The following PCDHGC4 variants were observed in gnomAD, a reference collection of about 807,000 sequenced individuals.
The protein encoded by PCDHGC4 is protocadherin gamma subfamily C, 4.
Under a neutral mutation model 59.7 loss-of-function variants are expected in PCDHGC4, and 15 were observed. The observed-to-expected ratio is 0.25, with a 90% confidence interval of 0.17 to 0.39. PCDHGC4 has a LOEUF of 0.39. Ranked by LOEUF, PCDHGC4 falls within the 10% of genes least tolerant of loss-of-function variation. The pLI is 1.00. For missense variants in PCDHGC4, 1,016 were observed against 1,189.5 expected (o/e 0.85, Z 2.15); for synonymous variants, 434 against 481.4 (o/e 0.90, Z 1.29).
At position 141,490,219 on chromosome 5, in the gene PCDHGC4, C is replaced by T. The variant is rs771985398; in HGVS notation, c.2442+2604C>T. 2.5e-5 allele frequency: 41 copies of T among 1,614,094 alleles called. No individual in the cohort carries two copies. The highest frequency in any genetic ancestry group is 3.3e-5 in the Non-Finnish European group (39 of 1,180,038). On this transcript the variant is annotated intron_variant, in intron 1 of 3. Coordinates refer to ENST00000306593, the MANE Select transcript of PCDHGC4 (RefSeq NM_018928.3). This position sits in a 1 kb window ranked among gnomAD's most constrained non-coding sequence, Gnocchi z 5.4. ...TCATGCAAGAGCCCGTGACCAGGGA[C>T]AGCCTGCCATGGAGGGCCACTGTGT... is the stretch of plus-strand genomic sequence containing the variant.
intron 2 of PCDHGC4, among the ~76,000 whole-genome samples, chr5:141,500,008 C>T (rs1027220192): frequency 6.6e-6 from 1 of 151,770 alleles, no homozygotes; most frequent in African/African-American, 2.4e-5. Flanking sequence ...TTCATAAGGT[C>T]CACATTTTAT....
At chr5:141,502,288 G>C (rs2099813700) in intron 2 of PCDHGC4, among the ~76,000 whole-genome samples, 1 of 151,338 alleles carries the variant, frequency 6.6e-6, no homozygotes, top group African/African-American at 2.5e-5. Flanking sequence ...ATTGCATTTG[G>C]TTGTCACGTC....
At chr5:141,497,223 T>C (rs921763195) in intron 2 of PCDHGC4, among the ~76,000 whole-genome samples, 1 of 151,762 alleles carries the variant, frequency 6.6e-6, no homozygotes, top group Admixed American at 6.6e-5. Context: ...GGGGGGAAGA[T>C]CAGAGAAGGC....
rs183549806 is a variant in PCDHGC4 at position 141,487,760 on chromosome 5, G to A, written c.2442+145G>A. ...TGTAAGAGGTAACTATGTGGTAGAC[G>A]CTGTGCTTTGTAACTGTTTCGTGAA... On this transcript the variant is annotated intron_variant, in intron 1 of 3. Transcript: ENST00000306593. The surrounding 1 kb of genome is among the most constrained non-coding windows in gnomAD (Gnocchi z 5.0). 42 of 1,545,950 alleles carry A rather than the reference G, an allele frequency of 2.7e-5. No homozygotes were observed. The African/African-American group carries it at 3.8e-4, about 14-fold the overall frequency.
In PCDHGC4 at chr5:141,491,365, T is replaced by A. The variant is rs201011046; in HGVS notation, c.2443-3442T>A. ...CGTCAGTCTCTTATCCCTAGTCACC[T>A]TCACCTTTCTGTCAGCGAAGTGCCT... On this transcript the variant is annotated intron_variant, in intron 1 of 3. Transcript: ENST00000306593. This position sits in a 1 kb window ranked among gnomAD's most constrained non-coding sequence, Gnocchi z 6.9. 1.7e-5 allele frequency: 27 copies of A among 1,614,016 alleles called. No individual in the cohort carries two copies. The highest frequency in any genetic ancestry group is 2.0e-5 in the Non-Finnish European group (24 of 1,179,982).
In PCDHGC4 at chr5:141,489,872, T is replaced by A. The variant is rs2099693206; in HGVS notation, c.2442+2257T>A. 1 of 1,614,090 alleles carries A rather than the reference T, an allele frequency of 6.2e-7. No homozygotes were observed. The highest frequency in any genetic ancestry group is 8.5e-7 in the Non-Finnish European group (1 of 1,180,016). On this transcript the variant is annotated intron_variant, in intron 1 of 3. Coordinates refer to ENST00000306593, the MANE Select transcript of PCDHGC4 (RefSeq NM_018928.3). The surrounding 1 kb of genome is among the most constrained non-coding windows in gnomAD (Gnocchi z 4.5). ...GAAGCCCAGGCAAGACATCAGCTGG[T>A]GCTTACTGCTGTGGATGGGGGGACC...
intron 3 of PCDHGC4, among the ~76,000 whole-genome samples, chr5:141,506,320 G>A (rs1054880362): frequency 8.6e-5 from 13 of 151,966 alleles, no homozygotes; most frequent in South Asian, 8.3e-4. Flanking sequence ...ATGGTGGTGC[G>A]TGCCTGTAGT....
Position 141,490,798 on chromosome 5 carries a change from C to A in PCDHGC4, c.2442+3183C>A. 2 of 1,613,926 alleles carry A rather than the reference C, an allele frequency of 1.2e-6. No individual in the cohort carries two copies. Among genetic ancestry groups the A allele is most frequent in the South Asian group, 2.2e-5 (2 of 91,074 alleles). ...AGAGGATGGACGGATCTTTGCCCAG[C>A]GTACCTTTGACTATGAATTGCTGCA... On this transcript the variant is annotated intron_variant, in intron 1 of 3. Transcript: ENST00000306593. This position sits in a 1 kb window ranked among gnomAD's most constrained non-coding sequence, Gnocchi z 5.4.
rs554661873 is a variant in PCDHGC4, at chr5:141,487,723, T to C, written c.2442+108T>C. ...GCCTCTCAGTAAGTGCCCATAGTGATGTCACCATTTTTGTAAGAGGTAACT... is the reference window on the plus strand; with the variant it reads ...GCCTCTCAGTAAGTGCCCATAGTGACGTCACCATTTTTGTAAGAGGTAACT... On this transcript the variant is annotated intron_variant, in intron 1 of 3. Transcript: ENST00000306593. The surrounding 1 kb of genome is among the most constrained non-coding windows in gnomAD (Gnocchi z 5.0). The C allele has an allele frequency of 2.6e-5, 41 of 1,574,932 alleles. No homozygotes were observed. Among genetic ancestry groups the C allele is most frequent in the Non-Finnish European group, 5.2e-6 (6 of 1,158,382 alleles).
Position 141,487,568 on chromosome 5 carries a change from C to G in PCDHGC4, c.2395C>G (p.Pro799Ala), listed in dbSNP as rs752378906. The G allele has an allele frequency of 1.9e-6, 3 of 1,614,180 alleles. No homozygotes were observed. Among genetic ancestry groups the G allele is most frequent in the Non-Finnish European group, 2.5e-6 (3 of 1,180,042 alleles). Reference protein sequence around the residue: ...KSPSAPMAGEPVRPSCPPSDL... With the variant: ...KSPSAPMAGEAVRPSCPPSDL... ...ACCCAGTGCACCTATGGCAGGGGAG[C>G]CTGTTCGCCCAAGCTGCCCACCCTC... Residue 799 changes from proline to alanine, a missense_variant, in exon 1 of 4, where the codon CCT becomes GCT. Pro to Ala is a conservative substitution (Grantham distance 27, BLOSUM62 -1). Transcript: ENST00000306593. This position sits in a 1 kb window ranked among gnomAD's most constrained non-coding sequence, Gnocchi z 5.0.
At position 141,485,709 on chromosome 5, in the gene PCDHGC4, C is replaced by A. The variant is rs2099618118; in HGVS notation, c.536C>A (p.Ala179Glu). Residue 179 changes from alanine (A) to glutamate (E), a missense_variant, in exon 1 of 4, where the codon GCA becomes GAA. Ala to Glu is a moderately radical substitution (Grantham distance 107). Transcript: ENST00000306593. This position sits in a 1 kb window ranked among gnomAD's most constrained non-coding sequence, Gnocchi z 5.7. ...AGGCTGAGCTCCAATGAACACTTTGCACTGGATGTGAAGAAGCGCAGCGAC... is the reference window on the plus strand; with the variant it reads ...AGGCTGAGCTCCAATGAACACTTTGAACTGGATGTGAAGAAGCGCAGCGAC... ...SYRLSSNEHF[A>E]LDVKKRSDGS... The A allele has an allele frequency of 1.2e-6, 2 of 1,614,128 alleles. No homozygotes were observed. The highest frequency in any genetic ancestry group is 1.7e-6 in the Non-Finnish European group (2 of 1,180,028).
Position 141,490,089 on chromosome 5 carries a change from C to G in PCDHGC4, c.2442+2474C>G. On this transcript the variant is annotated intron_variant, in intron 1 of 3. Transcript: ENST00000306593. This position sits in a 1 kb window ranked among gnomAD's most constrained non-coding sequence, Gnocchi z 5.4. ...GCCAACTAGACTATTCTTTTGGAGACCACACATCTGAGGCAGTGCGGAACC... is the reference window on the plus strand; with the variant it reads ...GCCAACTAGACTATTCTTTTGGAGAGCACACATCTGAGGCAGTGCGGAACC... 1 of 1,614,232 alleles carries G rather than the reference C, an allele frequency of 6.2e-7. No homozygotes were observed. The highest frequency in any genetic ancestry group is 8.5e-7 in the Non-Finnish European group (1 of 1,180,026).
Position 141,485,098 on chromosome 5 carries a change from A to G in PCDHGC4, c.-76A>G, listed in dbSNP as rs2099606903. ...CGGGGAAAGGGAGATAGGTGTCTCCAGCTGCTGTGGCTGTTTGGGGCGGGT... is the reference window on the plus strand; with the variant it reads ...CGGGGAAAGGGAGATAGGTGTCTCCGGCTGCTGTGGCTGTTTGGGGCGGGT... On this transcript the variant is annotated 5_prime_UTR_variant, in exon 1 of 4. Transcript: ENST00000306593. This position sits in a 1 kb window ranked among gnomAD's most constrained non-coding sequence, Gnocchi z 5.7. 8.8e-7 allele frequency: 1 copy of G among 1,134,792 alleles called. No individual in the cohort carries two copies. Among genetic ancestry groups the G allele is most frequent in the South Asian group, 1.4e-5 (1 of 71,796 alleles). The allele number at this position is 1,134,792 out of a possible 1,614,324, so 70.3% of individuals were successfully genotyped here. A position where few individuals can be genotyped will look rare whatever the true frequency, so the allele number is the denominator to read the frequency against.
chr5:141,496,126 C>T (rs934132550), intron 2 of PCDHGC4, among the ~76,000 whole-genome samples: 2 of 152,062 alleles, frequency 1.3e-5, no homozygotes, highest in African/African-American at 4.8e-5. Context: ...CCCTGCCCCT[C>T]ACACACTGAG....
chr5:141,491,966 G>A lies in PCDHGC4; in HGVS notation c.2443-2841G>A. 1.1e-6 allele frequency: 1 copy of A among 943,066 alleles called. No individual in the cohort carries two copies. Among genetic ancestry groups the A allele is most frequent in the Non-Finnish European group, 1.5e-6 (1 of 669,210 alleles). The allele number at this position is 943,066 out of a possible 1,614,324, so 58.4% of individuals were successfully genotyped here. On this transcript the variant is annotated intron_variant, in intron 1 of 3. Coordinates refer to ENST00000306593, the MANE Select transcript of PCDHGC4 (RefSeq NM_018928.3). The surrounding 1 kb of genome is among the most constrained non-coding windows in gnomAD (Gnocchi z 6.9). ...CCACCCCTACACTCAAAAAAGGCCG[G>A]GGCCTCCTTCGAGCTTCCGGTGAAT...
rs1460175237 is a variant in PCDHGC4, at chr5:141,485,185, G to A, written c.12G>A (p.Lys4=). ...AGCGGGCGGCAGCAATGCTCCGCAAGGTGAGAAGCTGGACAGAAATCTGGC... is the reference window on the plus strand; with the variant it reads ...AGCGGGCGGCAGCAATGCTCCGCAAAGTGAGAAGCTGGACAGAAATCTGGC... MLR[K]VRSWTEIWRW... Residue 4 remains lysine (K), a synonymous_variant, in exon 1 of 4, where the codon AAG becomes AAA. Transcript: ENST00000306593. This position sits in a 1 kb window ranked among gnomAD's most constrained non-coding sequence, Gnocchi z 5.7. 3.1e-6 allele frequency: 5 copies of A among 1,613,528 alleles called. No individual in the cohort carries two copies. Among genetic ancestry groups the A allele is most frequent in the African/African-American group, 2.7e-5 (2 of 75,052 alleles).
chr5:141,495,430 C>T (rs1189953474), intron 2 of PCDHGC4, among the ~76,000 whole-genome samples: 3 of 152,220 alleles, frequency 2.0e-5, no homozygotes, highest in Admixed American at 2.0e-4. Context: ...TCCCACTGTC[C>T]TCTGCCCCTA....
intron 2 of PCDHGC4, among the ~76,000 whole-genome samples, chr5:141,496,353 C>T (rs761547879): frequency 4.6e-5 from 7 of 152,210 alleles, no homozygotes; most frequent in Non-Finnish European, 8.8e-5. Context: ...AGTCTCAGAG[C>T]CCAGGGAGAG....
intron 2 of PCDHGC4, among the ~76,000 whole-genome samples, chr5:141,500,768 A>C (rs2099802446): frequency 6.6e-6 from 1 of 152,180 alleles, no homozygotes; most frequent in African/African-American, 2.4e-5. Flanking sequence ...AACTCCTCTT[A>C]TGAATATACA....
Sources: gnomAD v4.1 joint callset for allele counts (sites outside exome capture counted in the v4.1 genomes callset) on GRCh38, gnomAD v4.1.1 for gene constraint, Gnocchi (gnomAD v3.1) non-coding constraint, MANE v1.5 for transcripts, NCBI Gene and HGNC (gene_info 2026-07-23, HGNC 2026-07-21) for gene names.